ETFA: variants seen among roughly 807,000 people sequenced by gnomAD.
The protein encoded by ETFA is electron transfer flavoprotein subunit alpha, also known as electron transfer flavoprotein subunit alpha, mitochondrial.
In ETFA, 22 loss-of-function variants were observed where a neutral mutation model predicts 46.2. The observed-to-expected ratio is 0.48, with a 90% confidence interval of 0.34 to 0.68. ETFA has a LOEUF of 0.68. Among genes scored for constraint, ETFA ranks in the 30% least tolerant of loss-of-function variants. The pLI, the probability that ETFA is intolerant of heterozygous loss-of-function variation, is 0.01. For missense variants in ETFA, 345 were observed against 401.1 expected, an observed-to-expected ratio of 0.86 and a Z score of 1.19; for synonymous variants, 131 against 139.9, an observed-to-expected ratio of 0.94 and a Z score of 0.45.
At position 76,292,484 on chromosome 15, in the gene ETFA, G is replaced by C. The variant is rs752795330; in HGVS notation, c.298C>G (p.Gln100Glu). Residue 100 changes from glutamine (Q) to glutamate (E), a missense_variant, in exon 4 of 12, where the codon CAG becomes GAG. Coordinates refer to ENST00000557943, the MANE Select transcript of ETFA (RefSeq NM_000126.4). ...EELTPLILAT[Q>E]KQFNYTHICA... ...ATGTGTGTGTAATTGAACTGCTTCT[G>C]AGTTGCCAAAATCAATGGTGTCAGT... The C allele has an allele frequency of 6.2e-7, 1 of 1,613,840 alleles. No individual in the cohort carries two copies. The highest frequency in any genetic ancestry group is 8.5e-7 in the Non-Finnish European group (1 of 1,179,724).
At chr15:76,303,682 C>G (rs1344317753) in intron 1 of ETFA, among the ~76,000 whole-genome samples, 1 of 152,118 alleles carries the variant, frequency 6.6e-6, no homozygotes, top group African/African-American at 2.4e-5. Flanking sequence ...ATGTGGCCAA[C>G]AAGCATATAA....
chr15:76,260,352 T>A, intron 9 of ETFA: 1 of 1,271,608 alleles, frequency 7.9e-7, no homozygotes. Flanking sequence ...CGGTCTCTTT[T>A]GAAGCAAGAT....
In ETFA at chr15:76,216,236, TAAAC is replaced by T; in HGVS notation, c.*319_*322del. Reference sequence around the variant, plus strand: ...CAAGAAAGGCAAAAAAATAAATAAATAAACAAAATTTTTACTCCTTTTCTTCAAT... The same window carrying T: ...CAAGAAAGGCAAAAAAATAAATAAATAAAATTTTTACTCCTTTTCTTCAAT... On this transcript the variant is annotated 3_prime_UTR_variant, in exon 12 of 12. Transcript: ENST00000557943. The T allele has an allele frequency of 8.5e-6, 2 of 234,474 alleles. No individual in the cohort carries two copies. The highest frequency in any genetic ancestry group is 8.1e-6 in the Non-Finnish European group (1 of 123,100). The allele number at this position is 234,474 out of a possible 1,614,324, so 14.5% of individuals were successfully genotyped here. A position where few individuals can be genotyped will look rare whatever the true frequency, so the allele number is the denominator to read the frequency against.
At chr15:76,311,082 T>G (rs2039993099) in intron 1 of ETFA, among the ~76,000 whole-genome samples, 1 of 151,816 alleles carries the variant, frequency 6.6e-6, no homozygotes, top group South Asian at 2.1e-4. Context: ...GGGCAGAGAG[T>G]GGGCCAGAAG....
At chr15:76,219,314 C>T (rs1333973042) in intron 11 of ETFA, among the ~76,000 whole-genome samples, 1 of 152,130 alleles carries the variant, frequency 6.6e-6, no homozygotes, top group Non-Finnish European at 1.5e-5. Flanking sequence ...ACACCATATA[C>T]AAAAATTAAC....
At chr15:76,241,692 C>T (rs924877354) in intron 9 of ETFA, among the ~76,000 whole-genome samples, 3 of 149,250 alleles carry the variant, frequency 2.0e-5, no homozygotes, top group Admixed American at 1.3e-4. Flanking sequence ...GTCCCAGCTA[C>T]TCGGGAGGCT....
At chr15:76,288,768 A>G (rs2039726562) in intron 4 of ETFA, among the ~76,000 whole-genome samples, 1 of 151,832 alleles carries the variant, frequency 6.6e-6, no homozygotes, top group South Asian at 2.1e-4. Context: ...CAGCCTGTGT[A>G]GTACATATTT....
chr15:76,216,839 C>T (rs1476224404), intron 11 of ETFA, among the ~76,000 whole-genome samples: 9 of 82,346 alleles, frequency 1.1e-4, no homozygotes, highest in Admixed American at 7.7e-4. Context: ...GTGCCTTTTG[C>T]CTTTTTTTTT....
chr15:76,259,884 T>C, intron 9 of ETFA: 3 of 1,299,510 alleles, frequency 2.3e-6, no homozygotes, highest in African/African-American at 1.5e-5. Context: ...CCATGCTTCA[T>C]GAAGGGCAAG....
At chr15:76,221,661 A>G (rs1945349579) in intron 11 of ETFA, among the ~76,000 whole-genome samples, 3 of 152,192 alleles carry the variant, frequency 2.0e-5, no homozygotes. Context: ...ATCTCATTTA[A>G]TCTTCATTAC....
chr15:76,301,875 T>C (rs2039883260), intron 1 of ETFA, among the ~76,000 whole-genome samples: 1 of 152,012 alleles, frequency 6.6e-6, no homozygotes, highest in African/African-American at 2.4e-5. Flanking sequence ...CTGATTTAAA[T>C]AGGGGGAAAG....
chr15:76,220,045 T>G (rs1936058835), intron 11 of ETFA, among the ~76,000 whole-genome samples: 1 of 152,192 alleles, frequency 6.6e-6, no homozygotes, highest in African/African-American at 2.4e-5. Flanking sequence ...TTCACTACAC[T>G]ATAGATTAGG....
intron 9 of ETFA, among the ~76,000 whole-genome samples, chr15:76,245,430 T>A (rs1294262918): frequency 6.6e-6 from 1 of 152,268 alleles, no homozygotes; most frequent in African/African-American, 2.4e-5. Context: ...TCTTCAGCTT[T>A]TTAGCAAGTT....
At chr15:76,233,899 G>C (rs2039095439) in intron 9 of ETFA, among the ~76,000 whole-genome samples, 1 of 152,144 alleles carries the variant, frequency 6.6e-6, no homozygotes, top group South Asian at 2.1e-4. Context: ...AGTCTTAAAA[G>C]CTCCATGTGC....
At chr15:76,249,069 G>C (rs1257489476) in intron 9 of ETFA, among the ~76,000 whole-genome samples, 1 of 151,802 alleles carries the variant, frequency 6.6e-6, no homozygotes, top group Non-Finnish European at 1.5e-5. Flanking sequence ...TTCCCATCAG[G>C]CCAGCAAAGC....
At position 76,235,472 on chromosome 15, in the gene ETFA, T is replaced by C. The variant is rs11853971; in HGVS notation, c.817-4074A>G. On this transcript the variant is annotated intron_variant, in intron 9 of 11. Coordinates refer to ENST00000557943, the MANE Select transcript of ETFA (RefSeq NM_000126.4). ...TTTGTACAAAAGAGTTGTGTGGACTTGAAGTACTGGGTGGCCAGAATCCCC... is the reference window on the plus strand; with the variant it reads ...TTTGTACAAAAGAGTTGTGTGGACTCGAAGTACTGGGTGGCCAGAATCCCC... 5.5e-3 allele frequency among the ~76,000 whole-genome samples: 832 copies of C among 152,314 alleles called. 10 individuals are homozygous for C. Among genetic ancestry groups the C allele is most frequent in the African/African-American group, 0.019 (799 of 41,552 alleles).
chr15:76,294,912 G>A (rs1471750190), intron 2 of ETFA, among the ~76,000 whole-genome samples: 2 of 152,126 alleles, frequency 1.3e-5, no homozygotes, highest in African/African-American at 4.8e-5. Context: ...TTATTCCTCT[G>A]TGAAGTTTAA....
chr15:76,294,243 AAAAC>A (rs2039796356), intron 2 of ETFA, among the ~76,000 whole-genome samples: 1 of 152,244 alleles, frequency 6.6e-6, no homozygotes, highest in Non-Finnish European at 1.5e-5. Context: ...AAATCACAGC[AAAAC>A]AAACAACAAA....
chr15:76,278,089 T>A (rs2039613684), intron 8 of ETFA, among the ~76,000 whole-genome samples: 2 of 151,278 alleles, frequency 1.3e-5, no homozygotes, highest in Admixed American at 6.6e-5. Context: ...TATGCCAGAT[T>A]GGAAACCAAA....
Sources: allele counts gnomAD v4.1 joint callset (sites outside exome capture counted in the v4.1 genomes callset), GRCh38; gene constraint gnomAD v4.1.1; transcripts MANE v1.5; gene names NCBI Gene and HGNC (gene_info 2026-07-23, HGNC 2026-07-21).